CHRM3: variants seen among roughly 807,000 people sequenced by gnomAD.
CHRM3 encodes the protein muscarinic acetylcholine receptor M3.
CHRM3 carries 11 observed loss-of-function variants against 41.8 expected under a neutral mutation model. That is an observed-to-expected ratio of 0.26 (90% CI 0.17 to 0.44). CHRM3 has a LOEUF of 0.44. Ranked by LOEUF, CHRM3 falls within the 20% of genes least tolerant of loss-of-function variation. CHRM3 has a pLI of 1.00. For missense variants in CHRM3, 571 were observed against 745.4 expected (o/e 0.77, Z 2.72); for synonymous variants, 297 against 301.4 (o/e 0.99, Z 0.15).
chr1:239,435,157 A>T (rs1462979527), intron 1 of CHRM3, among the ~76,000 whole-genome samples: 1 of 152,176 alleles, frequency 6.6e-6, no homozygotes, highest in Non-Finnish European at 1.5e-5. Context: ...AGTGCAATAG[A>T]AAGTTCTCCC....
intron 5 of CHRM3, among the ~76,000 whole-genome samples, chr1:239,781,580 C>T (rs1668512196): frequency 6.6e-6 from 1 of 152,032 alleles, no homozygotes; most frequent in African/African-American, 2.4e-5. Context: ...AGTTTTATTT[C>T]TTCCTTCCTA....
At chr1:239,602,494 A>AT (rs1214289568) in intron 3 of CHRM3, among the ~76,000 whole-genome samples, 1 of 152,190 alleles carries the variant, frequency 6.6e-6, no homozygotes, top group African/African-American at 2.4e-5. Context: ...TGTTAATAAA[A>AT]TGTAGCATTT....
chr1:239,794,919 A>C (rs1669648227), intron 5 of CHRM3, among the ~76,000 whole-genome samples: 1 of 152,190 alleles, frequency 6.6e-6, no homozygotes, highest in Admixed American at 6.5e-5. Flanking sequence ...ATTTAGTTTG[A>C]TATCGTATCT....
At chr1:239,508,292 G>A (rs1668703753) in intron 2 of CHRM3, among the ~76,000 whole-genome samples, 1 of 152,112 alleles carries the variant, frequency 6.6e-6, no homozygotes, top group Non-Finnish European at 1.5e-5. Context: ...GGGACCTTGA[G>A]CTCTGTATTT....
chr1:239,809,222 A>G (rs1486959370), intron 5 of CHRM3, among the ~76,000 whole-genome samples: 2 of 151,644 alleles, frequency 1.3e-5, no homozygotes, highest in African/African-American at 2.4e-5. Context: ...GGGTTTCACC[A>G]TGTTAGCCAG....
Position 239,882,814 on chromosome 1 carries a change from GTCT to G in CHRM3, c.-19-24618_-19-24616del, listed in dbSNP as rs1489064453. Among the ~76,000 whole-genome samples the G allele has an allele frequency of 2.0e-5, 3 of 152,244 alleles. No individual in the cohort carries two copies. In the East Asian group the frequency reaches 5.8e-4, roughly 29 times the overall value. On this transcript the variant is annotated intron_variant, in intron 6 of 6. Transcript: ENST00000676153. ...AGGCCCTGAGCTGCTAGAAAGCAGA[GTCT>G]CTGCAGCCCCTAAGGCAGGGCACAC...
At chr1:239,676,840 TG>T (rs1263487968) in intron 4 of CHRM3, among the ~76,000 whole-genome samples, 4 of 152,200 alleles carry the variant, frequency 2.6e-5, no homozygotes, top group African/African-American at 9.7e-5. Flanking sequence ...TTGGGGTGTA[TG>T]CTTTCATTTG....
intron 5 of CHRM3, among the ~76,000 whole-genome samples, chr1:239,780,468 T>G (rs1668429581): frequency 6.6e-6 from 1 of 152,198 alleles, no homozygotes; most frequent in African/African-American, 2.4e-5. Flanking sequence ...TTTAATCAGG[T>G]GGTTGGTTTT....
intron 6 of CHRM3, among the ~76,000 whole-genome samples, chr1:239,894,606 T>A (rs1238551178): frequency 6.6e-6 from 1 of 152,062 alleles, no homozygotes; most frequent in Admixed American, 6.5e-5. Context: ...CTAATTTTTT[T>A]GTTTTTAGTA....
At chr1:239,595,210 G>A (rs760559813) in intron 3 of CHRM3, among the ~76,000 whole-genome samples, 3 of 152,162 alleles carry the variant, frequency 2.0e-5, no homozygotes, top group Non-Finnish European at 4.4e-5. Flanking sequence ...ACTGCATTAG[G>A]TATTGTAGTT....
intron 2 of CHRM3, among the ~76,000 whole-genome samples, chr1:239,507,792 A>G (rs2148178796): frequency 6.6e-6 from 1 of 152,346 alleles, no homozygotes; most frequent in South Asian, 2.1e-4. Context: ...TTGAGTTAAA[A>G]AGTTAAAATC....
chr1:239,438,087 C>T (rs1663415062), intron 1 of CHRM3, among the ~76,000 whole-genome samples: 1 of 152,164 alleles, frequency 6.6e-6, no homozygotes, highest in Admixed American at 6.5e-5. Context: ...ACTGTTATTT[C>T]TCTTTCAGCC....
intron 6 of CHRM3, among the ~76,000 whole-genome samples, chr1:239,843,002 T>C (rs1673947516): frequency 6.6e-6 from 1 of 152,140 alleles, no homozygotes; most frequent in South Asian, 2.1e-4. Flanking sequence ...TCTTCTCTCC[T>C]ATAAACTTCA....
At chr1:239,604,670 A>G (rs1666022926) in intron 3 of CHRM3, among the ~76,000 whole-genome samples, 1 of 152,216 alleles carries the variant, frequency 6.6e-6, no homozygotes, top group South Asian at 2.1e-4. Context: ...AAATAATCCA[A>G]GAGAAATAGA....
chr1:239,768,722 C>T (rs1418739869), intron 5 of CHRM3, among the ~76,000 whole-genome samples: 1 of 151,922 alleles, frequency 6.6e-6, no homozygotes, highest in Non-Finnish European at 1.5e-5. Context: ...TATCAGAAGT[C>T]TCTTCTTTGC....
chr1:239,511,584 CTA>C (rs1165148082), intron 2 of CHRM3, among the ~76,000 whole-genome samples: 2 of 152,052 alleles, frequency 1.3e-5, no homozygotes, highest in Non-Finnish European at 1.5e-5. Flanking sequence ...ATGATTTCAA[CTA>C]TGAGGAATTT....
chr1:239,658,178 T>C (rs557136964), intron 4 of CHRM3, among the ~76,000 whole-genome samples: 1 of 152,322 alleles, frequency 6.6e-6, no homozygotes, highest in East Asian at 1.9e-4. Flanking sequence ...GAGTGACTGA[T>C]TGACTCTTTG....
At chr1:239,820,603 G>T (rs1240184507) in intron 5 of CHRM3, among the ~76,000 whole-genome samples, 1 of 152,120 alleles carries the variant, frequency 6.6e-6, no homozygotes, top group African/African-American at 2.4e-5. Context: ...AAGGTGATTA[G>T]AGAGACTTTG....
intron 2 of CHRM3, among the ~76,000 whole-genome samples, chr1:239,509,454 T>C (rs1211891099): frequency 6.6e-6 from 1 of 152,182 alleles, no homozygotes; most frequent in Non-Finnish European, 1.5e-5. Flanking sequence ...CAGGATAATC[T>C]GTATATAAAA....
Sources: allele counts gnomAD v4.1 joint callset (sites outside exome capture counted in the v4.1 genomes callset), GRCh38; gene constraint gnomAD v4.1.1; transcripts MANE v1.5; gene names NCBI Gene and HGNC (gene_info 2026-07-23, HGNC 2026-07-21).